The following MR1 variants were observed in gnomAD, a reference collection of about 807,000 sequenced individuals.
MR1 encodes major histocompatibility complex, class I-related, also known as major histocompatibility complex class I-related protein 1.
Under a neutral mutation model 37.8 loss-of-function variants are expected in MR1, and 44 were observed. The ratio of observed to expected loss-of-function variants is 1.16; its 90% CI spans 0.91 to 1.50. The LOEUF (loss-of-function observed/expected upper bound fraction) is 1.50. Among genes scored for constraint, MR1 ranks in the 40% most tolerant of loss-of-function variants. The pLI, the probability that MR1 is intolerant of heterozygous loss-of-function variation, is 0.00. For synonymous variants in MR1, 153 were observed against 155.8 expected (o/e 0.98, Z 0.13); for missense variants, 386 against 419.1 (o/e 0.92, Z 0.69).
chr1:181,041,392 A>C (rs963096336), intron 1 of MR1, among the ~76,000 whole-genome samples: 20 of 152,338 alleles, frequency 1.3e-4, no homozygotes, highest in Middle Eastern at 6.8e-3. Context: ...AGAGATCATA[A>C]AAATAGAAAA....
At chr1:181,054,965 TA>T (rs1658532045) in intron 5 of MR1, among the ~76,000 whole-genome samples, 1 of 152,228 alleles carries the variant, frequency 6.6e-6, no homozygotes, top group Non-Finnish European at 1.5e-5. Context: ...CCTAATCCAA[TA>T]AATGATAGTG....
rs1481352614 is a variant in MR1, at chr1:181,056,259, G to A, written c.*994G>A. 6.6e-6 allele frequency: 1 copy of A among 151,848 alleles called. No individual in the cohort carries two copies. The highest frequency in any genetic ancestry group is 1.5e-5 in the Non-Finnish European group (1 of 67,942). 9.4% of individuals were successfully genotyped at this position (151,848 alleles called of 1,614,324 possible). The stretch of plus-strand genomic sequence containing the variant: ...CGTGCCTGTAGTCCCAGCTACTTGG[G>A]AGGCTGAGACAGGGGAATTGCTTGA... On this transcript the variant is annotated 3_prime_UTR_variant, in exon 6 of 6. Transcript: ENST00000367580.
At chr1:181,040,707 CA>C (rs1380881316) in intron 1 of MR1, among the ~76,000 whole-genome samples, 1 of 151,282 alleles carries the variant, frequency 6.6e-6, no homozygotes, top group East Asian at 1.9e-4. Context: ...ACTTTGAAGT[CA>C]AGGCTGGCTG....
At chr1:181,053,232 A>G (rs548708632) in intron 4 of MR1, among the ~76,000 whole-genome samples, 22 of 152,092 alleles carry the variant, frequency 1.4e-4, no homozygotes, top group African/African-American at 5.3e-4. Context: ...AAACACAACA[A>G]TTAGCTGGGC....
Position 181,058,634 on chromosome 1 carries a change from T to A in MR1, c.*3369T>A, listed in dbSNP as rs1160490051. ...TCTTTTTTTGGCCTGAGAGAAGATG[T>A]TTTTGCACTTGTAGCTATGAGGAAC... On this transcript the variant is annotated 3_prime_UTR_variant, in exon 6 of 6. Transcript: ENST00000367580. 4 of 152,212 alleles carry A rather than the reference T, an allele frequency of 2.6e-5. No homozygotes were observed. The highest frequency in any genetic ancestry group is 5.9e-5 in the Non-Finnish European group (4 of 68,038). The allele number at this position is 152,212 out of a possible 1,614,324, so 9.4% of individuals were successfully genotyped here. A position where few individuals can be genotyped will look rare whatever the true frequency, so the allele number is the denominator to read the frequency against.
chr1:181,040,967 A>G (rs2102367430), intron 1 of MR1, among the ~76,000 whole-genome samples: 1 of 152,078 alleles, frequency 6.6e-6, no homozygotes, highest in East Asian at 1.9e-4. Context: ...CTGTAATCTC[A>G]GCTACTTGGG....
Position 181,050,105 on chromosome 1 carries a change from C to T in MR1, c.423C>T (p.Phe141=), listed in dbSNP as rs199521900. Residue 141 remains phenylalanine (F), a synonymous_variant, in exon 3 of 6, where the codon TTC becomes TTT. Transcript: ENST00000367580. ...AGTATGCATATGACGGGCAGGATTT[C>T]CTGATCTTCAATAAAGACACCCTCT... ...FLQYAYDGQD[F]LIFNKDTLSW... is the part of the protein sequence containing the mutation. 5.2e-4 allele frequency: 833 copies of T among 1,614,238 alleles called. 1 individual carries two copies. The highest frequency in any genetic ancestry group is 1.3e-3 in the South Asian group (119 of 91,082).
rs1299419215 is a variant in MR1, at chr1:181,060,201, T to C, written c.*4936T>C. 1 of 152,214 alleles carries C rather than the reference T, an allele frequency of 6.6e-6. No homozygotes were observed. The highest frequency in any genetic ancestry group is 1.5e-5 in the Non-Finnish European group (1 of 68,056). 9.4% of individuals were successfully genotyped at this position (152,214 alleles called of 1,614,324 possible). A position where few individuals can be genotyped will look rare whatever the true frequency, so the allele number is the denominator to read the frequency against. ...GTCTTCATTTGGTGTTCTCCCTGCA[T>C]GCATGGCTTTGTGTCCAAATTTCCT... On this transcript the variant is annotated 3_prime_UTR_variant, in exon 6 of 6. Coordinates refer to ENST00000367580, the MANE Select transcript of MR1 (RefSeq NM_001385161.1).
At chr1:181,053,501 A>G (rs1658436580) in intron 4 of MR1, 72 bp from the exon 5 acceptor site, 1 of 1,176,294 alleles carries the variant, frequency 8.5e-7, no homozygotes, top group Non-Finnish European at 1.3e-6. Context: ...GATCACAGGG[A>G]CAAAAGTCCC....
At position 181,049,316 on chromosome 1, in the gene MR1, T is replaced by C; in HGVS notation, c.328+4T>C. ...CAGAGGCACTACAATCACTCAGGTG[T>C]GCATGCGGCAGAGACAGACGCTTCC... is the stretch of plus-strand genomic sequence containing the variant. On this transcript the variant is annotated splice_donor_region_variant and intron_variant, in intron 2 of 5. Coordinates refer to ENST00000367580, the MANE Select transcript of MR1 (RefSeq NM_001385161.1). 6.2e-7 allele frequency: 1 copy of C among 1,612,046 alleles called. No individual in the cohort carries two copies. Among genetic ancestry groups the C allele is most frequent in the Non-Finnish European group, 8.5e-7 (1 of 1,178,846 alleles).
Position 181,060,958 on chromosome 1 carries a change from G to A in MR1, c.*5693G>A, listed in dbSNP as rs1658873137. On this transcript the variant is annotated 3_prime_UTR_variant, in exon 6 of 6. Coordinates refer to ENST00000367580, the MANE Select transcript of MR1 (RefSeq NM_001385161.1). ...TTTCTGAAAACACTCAGACTGTGGA[G>A]ACCCCTGCTGAGGGAGAAGCCCCAA... 1 of 152,254 alleles carries A rather than the reference G, an allele frequency of 6.6e-6. No individual in the cohort carries two copies. The highest frequency in any genetic ancestry group is 6.5e-5 in the Admixed American group (1 of 15,282). 9.4% of individuals were successfully genotyped at this position (152,254 alleles called of 1,614,324 possible).
Position 181,057,582 on chromosome 1 carries a change from T to G in MR1, c.*2317T>G, listed in dbSNP as rs1054378183. 3 of 152,180 alleles carry G rather than the reference T, an allele frequency of 2.0e-5. No individual in the cohort carries two copies. The highest frequency in any genetic ancestry group is 7.2e-5 in the African/African-American group (3 of 41,436). The allele number at this position is 152,180 out of a possible 1,614,324, so 9.4% of individuals were successfully genotyped here. A position where few individuals can be genotyped will look rare whatever the true frequency, so the allele number is the denominator to read the frequency against. On this transcript the variant is annotated 3_prime_UTR_variant, in exon 6 of 6. Transcript: ENST00000367580. ...GCCTTGCCCTACACCTAACACATAA[T>G]ATGTCCAAATGGATGAAGAGGAGGC...
In MR1 at chr1:181,060,128, TCCC is replaced by T. The variant is rs201114407; in HGVS notation, c.*4864_*4866del. 5 of 135,198 alleles carry T rather than the reference TCCC, an allele frequency of 3.7e-5. No individual in the cohort carries two copies. The highest frequency in any genetic ancestry group is 8.3e-5 in the Non-Finnish European group (5 of 60,470). The allele number at this position is 135,198 out of a possible 1,614,324, so 8.4% of individuals were successfully genotyped here. Reference sequence around the variant, plus strand: ...ACTGGGAAAGGATCTGTTCCAGGCTTCCCTCCTATCTTCTGGTTGTTCCTTGCC... The same window carrying T: ...ACTGGGAAAGGATCTGTTCCAGGCTTTCCTATCTTCTGGTTGTTCCTTGCC... On this transcript the variant is annotated 3_prime_UTR_variant, in exon 6 of 6. Coordinates refer to ENST00000367580, the MANE Select transcript of MR1 (RefSeq NM_001385161.1).
chr1:181,045,653 G>A (rs1024204575), intron 1 of MR1, among the ~76,000 whole-genome samples: 2 of 152,146 alleles, frequency 1.3e-5, no homozygotes, highest in Non-Finnish European at 2.9e-5. Flanking sequence ...CCATAACACT[G>A]AGAGGTGACA....
Position 181,050,004 on chromosome 1 carries a change from G to C in MR1, c.329-7G>C. On this transcript the variant is annotated splice_polypyrimidine_tract_variant and splice_region_variant and intron_variant, in intron 2 of 5. Transcript: ENST00000367580. ...TGGACCCCTCTGGGCTTCTGTGTGT[G>C]TTCCAGGGTCTCACACTTACCAGAG... The C allele has an allele frequency of 6.2e-7, 1 of 1,610,900 alleles. No homozygotes were observed.
At position 181,034,013 on chromosome 1, in the gene MR1, G is replaced by A; in HGVS notation, c.6G>A (p.Gly2=). The part of the protein sequence containing the change: M[G]ELMAFLLPLI... ...AACCCGGAAAGAGAAGGACTATGGG[G>A]GAACTGATGGCGTTCCTGTTACCTC... is the stretch of plus-strand genomic sequence containing the variant. Residue 2 remains glycine, a synonymous_variant, in exon 1 of 6, where the codon GGG becomes GGA. Transcript: ENST00000367580. 1.9e-6 allele frequency: 3 copies of A among 1,612,148 alleles called. No homozygotes were observed. Among genetic ancestry groups the A allele is most frequent in the Non-Finnish European group, 2.5e-6 (3 of 1,179,338 alleles).
At chr1:181,045,641 T>A (rs1275343528) in intron 1 of MR1, among the ~76,000 whole-genome samples, 3 of 152,070 alleles carry the variant, frequency 2.0e-5, no homozygotes, top group Non-Finnish European at 4.4e-5. Flanking sequence ...CCAGCTTGGA[T>A]CCCATAACAC....
chr1:181,047,255 TG>T (rs1657937184), intron 1 of MR1, among the ~76,000 whole-genome samples: 1 of 151,580 alleles, frequency 6.6e-6, no homozygotes, highest in South Asian at 2.1e-4. Context: ...AATAAGAAAA[TG>T]GTTAACAGCA....
At chr1:181,039,756 C>T (rs1657457139) in intron 1 of MR1, among the ~76,000 whole-genome samples, 1 of 149,960 alleles carries the variant, frequency 6.7e-6, no homozygotes, top group East Asian at 2.0e-4. Flanking sequence ...ATCCCAACTA[C>T]TCTGGAGGCT....
Sources: gnomAD v4.1 joint callset for allele counts (sites outside exome capture counted in the v4.1 genomes callset) on GRCh38, gnomAD v4.1.1 for gene constraint, MANE v1.5 for transcripts, NCBI Gene and HGNC (gene_info 2026-07-23, HGNC 2026-07-21) for gene names.